The following ERAP1 variants were observed in gnomAD, a reference collection of about 807,000 sequenced individuals.
ERAP1 encodes endoplasmic reticulum aminopeptidase 1, also known as adipocyte-derived leucine aminopeptidase.
A neutral mutation model predicts 103.7 loss-of-function variants in ERAP1; 86 were observed. The ratio of observed to expected loss-of-function variants is 0.83; its 90% CI spans 0.70 to 0.99. The LOEUF (loss-of-function observed/expected upper bound fraction) is 0.99. Ranked by LOEUF, ERAP1 falls within the 50% of genes least tolerant of loss-of-function variation. The pLI, the probability that ERAP1 is intolerant of heterozygous loss-of-function variation, is 0.00. For missense variants in ERAP1, 1,009 were observed against 1,128.4 expected (o/e 0.89, Z 1.52); for synonymous variants, 398 against 402.4 (o/e 0.99, Z 0.13).
the ERAP1 span, among the ~76,000 whole-genome samples, chr5:96,883,078 G>C: frequency 6.6e-6 from 1 of 152,140 alleles, no homozygotes; most frequent in African/African-American, 2.4e-5. Context: ...GAGAGAACTA[G>C]AAGTACCTGG....
chr5:96,847,390 C>T, the ERAP1 span, among the ~76,000 whole-genome samples: 3 of 152,040 alleles, frequency 2.0e-5, no homozygotes, highest in African/African-American at 4.8e-5. Flanking sequence ...ATTTTAATAT[C>T]CCACTCCCAA....
chr5:96,763,963 C>CAAA (rs35420188), intron 19 of ERAP1, among the ~76,000 whole-genome samples: 3 of 146,000 alleles, frequency 2.1e-5, no homozygotes, highest in African/African-American at 5.0e-5. Flanking sequence ...CTTTTTACCT[C>CAAA]AAAAAAAAAA....
chr5:96,820,231 G>A, the ERAP1 span, among the ~76,000 whole-genome samples: 10 of 151,950 alleles, frequency 6.6e-5, no homozygotes, highest in African/African-American at 2.4e-4. Flanking sequence ...ATTTAATCTG[G>A]CAACTAACTA....
chr5:96,761,800 A>C (rs1390348632), exon 20 of ERAP1: 1 of 154,204 alleles, frequency 6.5e-6, no homozygotes, highest in Non-Finnish European at 1.5e-5. Flanking sequence ...GATTATCATA[A>C]TAAAAGTCAA....
chr5:96,811,471 C>T (rs1006080065), upstream of ERAP1, among the ~76,000 whole-genome samples: 1 of 152,188 alleles, frequency 6.6e-6, no homozygotes, highest in Non-Finnish European at 1.5e-5. Context: ...ATGGAAAAAG[C>T]CTGCTTTAAA....
the ERAP1 span, among the ~76,000 whole-genome samples, chr5:96,840,455 C>T: frequency 6.6e-6 from 1 of 152,112 alleles, no homozygotes; most frequent in Non-Finnish European, 1.5e-5. Context: ...TTTAAGCCTG[C>T]TAGATATAAT....
At chr5:96,896,753 C>T in the ERAP1 span, 1 of 1,571,390 alleles carries the variant, frequency 6.4e-7, no homozygotes, top group Non-Finnish European at 8.6e-7. Context: ...TTTGAATATG[C>T]TCAAGGATTT....
chr5:96,787,198 T>TATAA (rs1437915444), intron 11 of ERAP1, among the ~76,000 whole-genome samples: 1 of 152,240 alleles, frequency 6.6e-6, no homozygotes, highest in Non-Finnish European at 1.5e-5. Context: ...AATAGTATTA[T>TATAA]ATAAAGTTTA....
Position 96,774,830 on chromosome 5 carries a change from G to GTGAA in ERAP1, c.*1562_*1565dup, listed in dbSNP as rs1310855161. 49 of 985,246 alleles carry GTGAA rather than the reference G, an allele frequency of 5.0e-5. No homozygotes were observed. In the African/African-American group the frequency reaches 8.2e-4, roughly 16 times the overall value. The allele number at this position is 985,246 out of a possible 1,614,324, so 61.0% of individuals were successfully genotyped here. A position where few individuals can be genotyped will look rare whatever the true frequency, so the allele number is the denominator to read the frequency against. On this transcript the variant is annotated 3_prime_UTR_variant, in exon 19 of 19. Transcript: ENST00000443439. Reference sequence around the variant, plus strand: ...CTTTTATACCTATTTATTTGTTGTAGTGAATGGTTTAATAAATGGCAGATT... The same window carrying GTGAA: ...CTTTTATACCTATTTATTTGTTGTAGTGAATGAATGGTTTAATAAATGGCAGATT...
chr5:96,889,444 G>C, the ERAP1 span: 1 of 946,736 alleles, frequency 1.1e-6, no homozygotes, highest in Non-Finnish European at 1.7e-6. Flanking sequence ...TTGTTCCTCA[G>C]AGATGATTCT....
the ERAP1 span, among the ~76,000 whole-genome samples, chr5:96,843,237 G>C: frequency 2.0e-5 from 3 of 152,120 alleles, no homozygotes; most frequent in African/African-American, 7.2e-5. Context: ...ATACCTTCTC[G>C]AGGTTTCCCA....
At chr5:96,783,289 G>A in intron 14 of ERAP1, 54 bp from the exon 15 acceptor site, 2 of 1,523,460 alleles carry the variant, frequency 1.3e-6, no homozygotes, top group Non-Finnish European at 8.9e-7. Flanking sequence ...GTCATTTCAT[G>A]TTAATATAAT....
At chr5:96,826,239 T>G in the ERAP1 span, among the ~76,000 whole-genome samples, 110,413 of 152,146 alleles carry the variant, frequency 0.73, 40,660 homozygotes, top group Non-Finnish European at 0.8. Context: ...CCAGACTCAC[T>G]TGTGTGTTCT....
At chr5:96,874,710 G>T in the ERAP1 span, among the ~76,000 whole-genome samples, 1 of 152,162 alleles carries the variant, frequency 6.6e-6, no homozygotes, top group African/African-American at 2.4e-5. Context: ...CTTTCAGGTT[G>T]AAATAATAAA....
Position 96,776,465 on chromosome 5 carries a change from G to A in ERAP1, c.2757C>T (p.Ile919=), listed in dbSNP as rs150789101. The A allele has an allele frequency of 5.6e-6, 9 of 1,614,168 alleles. No homozygotes were observed. The highest frequency in any genetic ancestry group is 6.8e-6 in the Non-Finnish European group (8 of 1,180,032). ...QQTIETIEEN[I]GWMDKNFDKI... ...TATCAAAATTCTTATCCATCCAACC[G>A]ATGTTTTCTTCAATGGTTTCAATTG... Residue 919 remains isoleucine, a synonymous_variant, in exon 19 of 19, where the codon ATC becomes ATT. Transcript: ENST00000443439.
At chr5:96,762,526 C>T (rs879016980) in exon 20 of ERAP1, 3 of 522,692 alleles carry the variant, frequency 5.7e-6, no homozygotes, top group South Asian at 3.6e-5. Context: ...GATGATTTAG[C>T]GAGATGGCAG....
the ERAP1 span, among the ~76,000 whole-genome samples, chr5:96,849,470 A>G: frequency 1.3e-5 from 2 of 152,194 alleles, no homozygotes; most frequent in Admixed American, 1.3e-4. Flanking sequence ...CCATACACTA[A>G]CAATGAAGTA....
At chr5:96,763,120 C>G (rs1407363867) in exon 20 of ERAP1, 2 of 778,936 alleles carry the variant, frequency 2.6e-6, no homozygotes, top group South Asian at 1.3e-5. Context: ...GTAACTTTAG[C>G]GAAGTCAGCT....
intron 2 of ERAP1, among the ~76,000 whole-genome samples, chr5:96,801,854 CAAAAAAAAAAAA>C (rs59332218): frequency 7.3e-5 from 4 of 54,682 alleles, no homozygotes; most frequent in Non-Finnish European, 1.2e-4. Flanking sequence ...TCCGTCTCGA[CAAAAAAAAAAAA>C]AAAAAAAAAA....
Sources: allele counts gnomAD v4.1 joint callset (sites outside exome capture counted in the v4.1 genomes callset), GRCh38; gene constraint gnomAD v4.1.1; transcripts MANE v1.5; gene names NCBI Gene and HGNC (gene_info 2026-07-23, HGNC 2026-07-21).